SOX5: variants seen among roughly 807,000 people sequenced by gnomAD.
The protein encoded by SOX5 is SRY-box transcription factor 5, also known as transcription factor SOX-5.
In SOX5, 9 loss-of-function variants were observed where a neutral mutation model predicts 92.0. The observed-to-expected ratio is 0.10, with a 90% CI of 0.06 to 0.17. SOX5 has a LOEUF of 0.17. SOX5 is among the 10% of genes least tolerant of loss of function. The pLI is 1.00. For missense variants in SOX5, 642 were observed against 944.5 expected (o/e 0.68, Z 4.20); for synonymous variants, 344 against 336.3 (o/e 1.02, Z -0.25).
chr12:23,794,530 T>C (rs1032260903), intron 3 of SOX5, among the ~76,000 whole-genome samples: 2 of 152,106 alleles, frequency 1.3e-5, no homozygotes, highest in African/African-American at 4.8e-5. Flanking sequence ...GGGTTAGAGG[T>C]AGAGCCTTAC....
At chr12:23,579,155 C>G (rs1194951978) in intron 9 of SOX5, among the ~76,000 whole-genome samples, 1 of 152,146 alleles carries the variant, frequency 6.6e-6, no homozygotes, top group Non-Finnish European at 1.5e-5. Flanking sequence ...ATAACTATTA[C>G]ATGCCCATGC....
intron 3 of SOX5, among the ~76,000 whole-genome samples, chr12:24,226,371 C>T (rs1437050293): frequency 1.3e-5 from 2 of 152,054 alleles, no homozygotes; most frequent in Non-Finnish European, 1.5e-5. Flanking sequence ...GACAGCATTC[C>T]ATATATACTT....
chr12:23,925,781 A>C (rs1939777582), intron 1 of SOX5, among the ~76,000 whole-genome samples: 1 of 152,080 alleles, frequency 6.6e-6, no homozygotes, highest in Non-Finnish European at 1.5e-5. Flanking sequence ...CTGATCTTAG[A>C]AACAAACTAA....
At chr12:23,804,609 C>T (rs2095723788) in intron 3 of SOX5, among the ~76,000 whole-genome samples, 1 of 152,000 alleles carries the variant, frequency 6.6e-6, no homozygotes, top group Non-Finnish European at 1.5e-5. Flanking sequence ...AATTTATTTG[C>T]CCTACATCCT....
chr12:24,469,556 T>A (rs1944578498), intron 1 of SOX5, among the ~76,000 whole-genome samples: 1 of 152,166 alleles, frequency 6.6e-6, no homozygotes, highest in South Asian at 2.1e-4. Flanking sequence ...TATTCCATTG[T>A]ACAAAAACAG....
intron 4 of SOX5, among the ~76,000 whole-genome samples, chr12:23,962,757 T>C (rs1403736978): frequency 6.6e-6 from 1 of 152,224 alleles, no homozygotes; most frequent in Non-Finnish European, 1.5e-5. Context: ...TTTCTTCTAG[T>C]ATGAACGATT....
At chr12:24,075,106 A>T (rs1432915859) in intron 4 of SOX5, among the ~76,000 whole-genome samples, 5 of 151,150 alleles carry the variant, frequency 3.3e-5, no homozygotes, top group Non-Finnish European at 7.4e-5. Context: ...TACAAAAAAT[A>T]AAAAAAATAA....
At chr12:24,454,183 C>G (rs142325849) in intron 1 of SOX5, among the ~76,000 whole-genome samples, 1 of 152,140 alleles carries the variant, frequency 6.6e-6, no homozygotes, top group African/African-American at 2.4e-5. Context: ...ATTGAAAAAG[C>G]GTGCTCTGTC....
intron 2 of SOX5, among the ~76,000 whole-genome samples, chr12:24,283,308 AG>A (rs1205620819): frequency 2.6e-5 from 4 of 152,248 alleles, no homozygotes; most frequent in Admixed American, 6.5e-5. Context: ...AAGTCTTCAC[AG>A]GTATCTCTTA....
intron 4 of SOX5, among the ~76,000 whole-genome samples, chr12:24,062,918 C>T (rs1940009709): frequency 6.6e-6 from 1 of 152,102 alleles, no homozygotes; most frequent in Admixed American, 6.5e-5. Flanking sequence ...CTCCTGGGAA[C>T]AATATTGTGA....
intron 7 of SOX5, among the ~76,000 whole-genome samples, chr12:23,641,214 A>T (rs1366977154): frequency 6.6e-6 from 1 of 152,114 alleles, no homozygotes; most frequent in Non-Finnish European, 1.5e-5. Context: ...ACACACACAC[A>T]CAATTTTAAT....
chr12:24,500,438 C>A (rs1354177006), intron 1 of SOX5, among the ~76,000 whole-genome samples: 3 of 151,906 alleles, frequency 2.0e-5, no homozygotes, highest in Non-Finnish European at 4.4e-5. Flanking sequence ...TCTTTTTAAA[C>A]GACATGATGA....
chr12:23,595,442 G>A (rs1270360260), intron 9 of SOX5, among the ~76,000 whole-genome samples: 1 of 151,928 alleles, frequency 6.6e-6, no homozygotes, highest in African/African-American at 2.4e-5. Flanking sequence ...CTAACACGGT[G>A]AAACCCCGTC....
chr12:24,007,935 T>C (rs1315126741), intron 4 of SOX5, among the ~76,000 whole-genome samples: 1 of 151,616 alleles, frequency 6.6e-6, no homozygotes, highest in Non-Finnish European at 1.5e-5. Context: ...ATTTCCTTAG[T>C]TCCTAAATAG....
intron 3 of SOX5, among the ~76,000 whole-genome samples, chr12:23,825,317 G>T (rs1247320123): frequency 1.3e-5 from 2 of 152,186 alleles, no homozygotes; most frequent in Non-Finnish European, 2.9e-5. Context: ...GCTTCCCTTG[G>T]CTAGGGGAGG....
At chr12:24,487,197 G>A (rs1241201114) in intron 1 of SOX5, among the ~76,000 whole-genome samples, 2 of 152,064 alleles carry the variant, frequency 1.3e-5, no homozygotes, top group African/African-American at 4.8e-5. Context: ...TTAATATAAA[G>A]CTTTTCACTG....
At chr12:24,271,971 A>G (rs1943805205) in intron 3 of SOX5, among the ~76,000 whole-genome samples, 1 of 81,836 alleles carries the variant, frequency 1.2e-5, no homozygotes, top group Admixed American at 1.5e-4. Context: ...GACATTTCAC[A>G]CACACACACA....
chr12:24,098,285 C>T (rs546425277), intron 4 of SOX5, among the ~76,000 whole-genome samples: 59 of 152,278 alleles, frequency 3.9e-4, no homozygotes, highest in Middle Eastern at 3.4e-3. Flanking sequence ...CAGCATGAAT[C>T]CTCTATTATA....
intron 3 of SOX5, among the ~76,000 whole-genome samples, chr12:23,781,419 T>G (rs985027832): frequency 5.6e-4 from 85 of 152,194 alleles, no homozygotes; most frequent in African/African-American, 2.0e-3. Flanking sequence ...ACATGCATGC[T>G]TACAAGGTCT....
Sources: gnomAD v4.1 joint callset for allele counts (sites outside exome capture counted in the v4.1 genomes callset) on GRCh38, gnomAD v4.1.1 for gene constraint, MANE v1.5 for transcripts, NCBI Gene and HGNC (gene_info 2026-07-23, HGNC 2026-07-21) for gene names.